Variants in ARMH3 observed in about 807,000 individuals in gnomAD.
ARMH3 encodes the protein armadillo like helical domain containing 3, also known as armadillo-like helical domain-containing protein 3.
ARMH3 carries 60 observed loss-of-function variants against 99.1 expected under a neutral mutation model. The ratio of observed to expected loss-of-function variants is 0.61; its 90% CI spans 0.49 to 0.75. The LOEUF is 0.75. Ranked by LOEUF, ARMH3 falls within the 30% of genes least tolerant of loss-of-function variation. The pLI is 0.00. For missense variants in ARMH3, 679 were observed against 843.1 expected (o/e 0.81, Z 2.41); for synonymous variants, 285 against 292.8 (o/e 0.97, Z 0.27).
intron 1 of ARMH3, among the ~76,000 whole-genome samples, chr10:102,042,614 C>T (rs2067448928): frequency 6.6e-6 from 1 of 152,166 alleles, no homozygotes; most frequent in Non-Finnish European, 1.5e-5. Flanking sequence ...AATTTACCAC[C>T]CAAGCTGCCT....
Position 102,023,459 on chromosome 10 carries a change from A to G in ARMH3, c.669+18T>C, listed in dbSNP as rs2066932834. The stretch of plus-strand genomic sequence containing the variant: ...GATTATAGGCAGATAACAACTGTCC[A>G]CTAAGGAGCCCAGTTACCTCATATT... On this transcript the variant is annotated intron_variant, in intron 8 of 25. Transcript: ENST00000370033. The G allele has an allele frequency of 1.2e-6, 2 of 1,603,716 alleles. No homozygotes were observed. Among genetic ancestry groups the G allele is most frequent in the Non-Finnish European group, 1.7e-6 (2 of 1,171,590 alleles).
chr10:101,928,719 G>A (rs906647459), intron 23 of ARMH3, among the ~76,000 whole-genome samples: 7 of 152,180 alleles, frequency 4.6e-5, no homozygotes, highest in Middle Eastern at 3.4e-3. Context: ...ATATTTTGTT[G>A]TTGTTGTTGT....
At chr10:102,014,141 C>T in intron 8 of ARMH3, 117 bp from the exon 9 acceptor site, 1 of 718,790 alleles carries the variant, frequency 1.4e-6, no homozygotes, top group Non-Finnish European at 2.3e-6. Flanking sequence ...CAGTGATGCT[C>T]CTGATACACA....
At chr10:102,039,516 T>C (rs2067358210) in intron 2 of ARMH3, among the ~76,000 whole-genome samples, 1 of 152,186 alleles carries the variant, frequency 6.6e-6, no homozygotes, top group African/African-American at 2.4e-5. Flanking sequence ...CCCCACCCAA[T>C]TACTAATAAT....
chr10:101,917,757 C>T (rs1055008904), intron 23 of ARMH3, among the ~76,000 whole-genome samples: 12 of 152,148 alleles, frequency 7.9e-5, no homozygotes, highest in Admixed American at 2.0e-4. Context: ...TCTGCCCTCC[C>T]GGGTATAGGA....
At chr10:101,966,165 GTGCAATCCCGGCTCAC>G (rs1485062979) in intron 20 of ARMH3, among the ~76,000 whole-genome samples, 1 of 147,914 alleles carries the variant, frequency 6.8e-6, no homozygotes, top group South Asian at 2.2e-4. Flanking sequence ...TGGTGCAGTG[GTGCAATCCCGGCTCAC>G]TGCAACCTCC....
At chr10:102,044,893 T>C (rs2067509273) in intron 1 of ARMH3, among the ~76,000 whole-genome samples, 1 of 151,984 alleles carries the variant, frequency 6.6e-6, no homozygotes, top group Admixed American at 6.6e-5. Flanking sequence ...CCCAGCACTT[T>C]AGGAAGCCGA....
intron 23 of ARMH3, among the ~76,000 whole-genome samples, chr10:101,910,938 G>A (rs577819825): frequency 6.6e-5 from 10 of 151,886 alleles, no homozygotes; most frequent in African/African-American, 1.7e-4. Context: ...TCAGGAGTTC[G>A]AGATGAGCCT....
At chr10:101,876,334 T>C (rs541040209) in intron 24 of ARMH3, among the ~76,000 whole-genome samples, 1 of 150,792 alleles carries the variant, frequency 6.6e-6, no homozygotes, top group East Asian at 2.0e-4. Flanking sequence ...GAGGCTGACA[T>C]CTCTGTCCTC....
intron 24 of ARMH3, among the ~76,000 whole-genome samples, chr10:101,865,284 G>GT (rs1246401739): frequency 6.6e-6 from 1 of 151,198 alleles, no homozygotes; most frequent in Non-Finnish European, 1.5e-5. Context: ...TAATGAACAC[G>GT]TAAGATATAC....
chr10:101,952,412 T>C (rs925053807), intron 22 of ARMH3, among the ~76,000 whole-genome samples: 1 of 151,952 alleles, frequency 6.6e-6, no homozygotes, highest in African/African-American at 2.4e-5. Flanking sequence ...CAGAGAAGAC[T>C]AAGGAGTCAC....
intron 13 of ARMH3, 105 bp downstream of exon 13, chr10:102,009,269 T>G: frequency 9.6e-7 from 1 of 1,039,400 alleles, no homozygotes. Context: ...CACTTACCAA[T>G]GCAAAGCAGG....
intron 2 of ARMH3, 41 bp from the exon 3 acceptor site, chr10:102,033,380 C>T: frequency 6.3e-7 from 1 of 1,581,082 alleles, no homozygotes; most frequent in Non-Finnish European, 8.6e-7. Flanking sequence ...TCCCAGCTAA[C>T]ACCAAAAGCA....
At chr10:102,036,197 C>T (rs562157454) in intron 2 of ARMH3, among the ~76,000 whole-genome samples, 18 of 137,198 alleles carry the variant, frequency 1.3e-4, no homozygotes, top group African/African-American at 3.2e-4. Context: ...CCGCCCCGTC[C>T]GGGAGGGAAG....
At chr10:102,037,756 C>T (rs1487064189) in intron 2 of ARMH3, among the ~76,000 whole-genome samples, 1 of 151,940 alleles carries the variant, frequency 6.6e-6, no homozygotes, top group African/African-American at 2.4e-5. Context: ...ACTACACCCA[C>T]TTAATTTTGT....
chr10:101,923,713 T>G (rs558055494), intron 23 of ARMH3, among the ~76,000 whole-genome samples: 1 of 152,348 alleles, frequency 6.6e-6, no homozygotes, highest in Admixed American at 6.5e-5. Context: ...CTTGCTACAA[T>G]CTTATTTTAT....
At chr10:101,994,998 T>G (rs567277095) in intron 16 of ARMH3, among the ~76,000 whole-genome samples, 1 of 152,150 alleles carries the variant, frequency 6.6e-6, no homozygotes, top group Non-Finnish European at 1.5e-5. Context: ...ATCATGCCAC[T>G]GCACTCCAGC....
chr10:101,881,924 G>A (rs1280353343), intron 24 of ARMH3, among the ~76,000 whole-genome samples: 1 of 151,922 alleles, frequency 6.6e-6, no homozygotes, highest in African/African-American at 2.4e-5. Flanking sequence ...TTTCTCCTCC[G>A]TATGGCCTTT....
rs762728595 is a variant in ARMH3, at chr10:102,023,524, C to T, written c.622G>A (p.Asp208Asn). The change falls in exon 8 of 26, where the codon GAT becomes AAT. Residue 208 changes from aspartate (D) to asparagine (N), a missense_variant. Physicochemically the swap from Asp to Asn is conservative, Grantham distance 23. Transcript: ENST00000370033. ...HPPSRREHGY[D>N]AVVLLALLVN... ...AGCAAAGCCAAGAGGACGACAGCAT[C>T]ATACCCATGCTCCCTACGACTTGGG... 128 of 1,614,032 alleles carry T rather than the reference C, an allele frequency of 7.9e-5. No homozygotes were observed. The highest frequency in any genetic ancestry group is 3.5e-4 in the South Asian group (32 of 91,078).
Sources: gnomAD v4.1 joint callset for allele counts (sites outside exome capture counted in the v4.1 genomes callset) on GRCh38, gnomAD v4.1.1 for gene constraint, MANE v1.5 for transcripts, NCBI Gene and HGNC (gene_info 2026-07-23, HGNC 2026-07-21) for gene names.